The following OSBPL11 variants were observed in gnomAD, a reference collection of about 807,000 sequenced individuals.
OSBPL11 encodes oxysterol binding protein like 11, also known as oxysterol-binding protein-related protein 11.
A neutral mutation model predicts 84.4 loss-of-function variants in OSBPL11; 33 were observed. That is an observed-to-expected ratio of 0.39 (90% CI 0.30 to 0.52). The LOEUF (loss-of-function observed/expected upper bound fraction) is 0.52. OSBPL11 is among the 20% of genes least tolerant of loss of function. OSBPL11 has a pLI of 0.72. For missense variants in OSBPL11, 736 were observed against 901.1 expected, an observed-to-expected ratio of 0.82 and a Z score of 2.35; for synonymous variants, 276 against 310.2, an observed-to-expected ratio of 0.89 and a Z score of 1.16.
chr3:125,568,972 G>C (rs1363640007), intron 5 of OSBPL11, among the ~76,000 whole-genome samples: 1 of 151,476 alleles, frequency 6.6e-6, no homozygotes, highest in African/African-American at 2.4e-5. Flanking sequence ...TTTTGAGATA[G>C]GGTCTCACTC....
rs774636216 is a variant in OSBPL11, at chr3:125,579,901, C to T, written c.373G>A (p.Val125Ile). 30 of 1,614,102 alleles carry T rather than the reference C, an allele frequency of 1.9e-5. No individual in the cohort carries two copies. Among genetic ancestry groups the T allele is most frequent in the African/African-American group, 1.3e-5 (1 of 74,948 alleles). Residue 125 changes from valine to isoleucine, a missense_variant, in exon 3 of 13, where the codon GTA (valine) becomes ATA (isoleucine). Transcript: ENST00000296220. The part of the protein sequence containing the change: ...PSDEDSHTFT[V>I]NAASGEQYKL... ...TATTGTTCCCCACTGGCAGCGTTTA[C>T]AGTGAAGGTGTGAGAATCCTCATCA...
At chr3:125,571,786 G>A (rs560543407) in intron 5 of OSBPL11, among the ~76,000 whole-genome samples, 71 of 152,368 alleles carry the variant, frequency 4.7e-4, no homozygotes, top group Non-Finnish European at 8.4e-4. Flanking sequence ...TGGATGCCCA[G>A]GCAGAGGTCT....
chr3:125,571,579 A>C (rs1486845691), intron 5 of OSBPL11, among the ~76,000 whole-genome samples: 1 of 151,844 alleles, frequency 6.6e-6, no homozygotes, highest in South Asian at 2.1e-4. Context: ...TGCAGCTTAG[A>C]GACTTGGTGC....
At chr3:125,569,445 A>T (rs550773112) in intron 5 of OSBPL11, among the ~76,000 whole-genome samples, 1 of 152,368 alleles carries the variant, frequency 6.6e-6, no homozygotes, top group East Asian at 1.9e-4. Context: ...ATCTATTAAT[A>T]TATACACATT....
chr3:125,587,861 C>T (rs1261592130), intron 1 of OSBPL11, among the ~76,000 whole-genome samples: 11 of 152,072 alleles, frequency 7.2e-5, no homozygotes, highest in African/African-American at 2.7e-4. Context: ...ATTGCTTGAG[C>T]CCAGGAAGTG....
Position 125,580,027 on chromosome 3 carries a change from T to G in OSBPL11, c.247A>C (p.Asn83His). Residue 83 changes from asparagine to histidine, a missense_variant, in exon 3 of 13, where the codon AAC (asparagine) becomes CAC (histidine). This residue lies in a region of OSBPL11 where 114 missense variants were observed against 104.9 expected (regional missense o/e 1.09). Coordinates refer to ENST00000296220, the MANE Select transcript of OSBPL11 (RefSeq NM_022776.5). Reference sequence around the variant, plus strand: ...TACTCCAACAGCCCAGCTTCATTGTTTAAAACAAAAAACCTGTAATGATTT... The same window carrying G: ...TACTCCAACAGCCCAGCTTCATTGTGTAAAACAAAAAACCTGTAATGATTT... ...TGWQYRFFVL[N>H]NEAGLLEYFV... 3 of 1,605,288 alleles carry G rather than the reference T, an allele frequency of 1.9e-6. No individual in the cohort carries two copies. The highest frequency in any genetic ancestry group is 2.5e-6 in the Non-Finnish European group (3 of 1,177,680).
intron 8 of OSBPL11, among the ~76,000 whole-genome samples, chr3:125,557,383 A>C (rs1559840366): frequency 6.6e-6 from 1 of 150,826 alleles, no homozygotes. Flanking sequence ...ATTTTTATTT[A>C]TTTGTTTATT....
At chr3:125,582,833 T>C (rs1366352313) in intron 2 of OSBPL11, 77 bp downstream of exon 2, 3 of 1,049,254 alleles carry the variant, frequency 2.9e-6, no homozygotes, top group African/African-American at 1.7e-5. Context: ...TCTAAAGTAA[T>C]ATCAAAATAT....
intron 4 of OSBPL11, among the ~76,000 whole-genome samples, chr3:125,578,272 T>C (rs1265647877): frequency 6.6e-6 from 1 of 152,098 alleles, no homozygotes; most frequent in African/African-American, 2.4e-5. Flanking sequence ...AGACACCAGA[T>C]ACAACAAACC....
intron 9 of OSBPL11, 50 bp from the exon 10 acceptor site, chr3:125,547,642 A>C (rs1935839658): frequency 5.1e-6 from 7 of 1,364,480 alleles, no homozygotes; most frequent in Non-Finnish European, 7.0e-6. Context: ...AGAAACAGCT[A>C]ATGAAACAAT....
At chr3:125,593,698 A>C (rs1156764802) in intron 1 of OSBPL11, among the ~76,000 whole-genome samples, 3 of 152,212 alleles carry the variant, frequency 2.0e-5, no homozygotes, top group Non-Finnish European at 4.4e-5. Flanking sequence ...ATACATATGA[A>C]TATTATTCAT....
At chr3:125,581,885 A>G (rs1936433278) in intron 2 of OSBPL11, among the ~76,000 whole-genome samples, 1 of 151,758 alleles carries the variant, frequency 6.6e-6, no homozygotes, top group Admixed American at 6.6e-5. Context: ...CTGGGGCAGG[A>G]GGATGATTTC....
intron 5 of OSBPL11, among the ~76,000 whole-genome samples, chr3:125,573,151 G>C (rs1936268346): frequency 6.6e-6 from 1 of 151,660 alleles, no homozygotes; most frequent in South Asian, 2.1e-4. Flanking sequence ...AAATGGAAAA[G>C]TGATTTGTGA....
chr3:125,588,937 G>T (rs1306297537), intron 1 of OSBPL11, among the ~76,000 whole-genome samples: 1 of 152,092 alleles, frequency 6.6e-6, no homozygotes, highest in Non-Finnish European at 1.5e-5. Flanking sequence ...TTTAATCTAT[G>T]ACAAAAAGTA....
chr3:125,533,951 T>C (rs1325541818), intron 11 of OSBPL11, among the ~76,000 whole-genome samples: 3 of 152,226 alleles, frequency 2.0e-5, no homozygotes, highest in Non-Finnish European at 4.4e-5. Context: ...CTCAGCCTCC[T>C]GAGTAGCTGG....
In OSBPL11 at chr3:125,563,692, C is replaced by T. The variant is rs1936110325; in HGVS notation, c.1014+6G>A. ...ACATCAAAATCATATTTTTATATTA[C>T]CTTACCCTCGCTAATAGTCCAGATT... On this transcript the variant is annotated splice_donor_region_variant and intron_variant, in intron 7 of 12. Transcript: ENST00000296220. 3 of 1,613,538 alleles carry T rather than the reference C, an allele frequency of 1.9e-6. No homozygotes were observed. The highest frequency in any genetic ancestry group is 8.5e-7 in the Non-Finnish European group (1 of 1,179,918).
intron 4 of OSBPL11, 110 bp from the exon 5 acceptor site, chr3:125,576,475 A>C: frequency 2.5e-6 from 2 of 794,056 alleles, no homozygotes; most frequent in South Asian, 6.0e-5. Context: ...TTAAAATTAA[A>C]TTAACTTCAG....
At chr3:125,535,186 T>TA (rs1266206550) in intron 11 of OSBPL11, among the ~76,000 whole-genome samples, 2 of 151,566 alleles carry the variant, frequency 1.3e-5, no homozygotes, top group Non-Finnish European at 1.5e-5. Context: ...CCTACACAGA[T>TA]AAAAAAATAA....
chr3:125,582,105 C>T lies in OSBPL11; in HGVS notation c.233+805G>A, dbSNP rs1014764576. Among the ~76,000 whole-genome samples, 108 of 152,116 alleles carry T rather than the reference C, an allele frequency of 7.1e-4. 2 individuals carry two copies. Among genetic ancestry groups the T allele is most frequent in the Admixed American group, 5.3e-3 (81 of 15,270 alleles). ...ATCCCTGCACTTTGGGAGGCCAAGA[C>T]GGGTAGATCACCTGAAGTCAGGAAT... On this transcript the variant is annotated intron_variant, in intron 2 of 12. Coordinates refer to ENST00000296220, the MANE Select transcript of OSBPL11 (RefSeq NM_022776.5).
Sources: allele counts gnomAD v4.1 joint callset (sites outside exome capture counted in the v4.1 genomes callset), GRCh38; gene constraint gnomAD v4.1.1; regional missense constraint gnomAD v4.1.1; transcripts MANE v1.5; gene names NCBI Gene and HGNC (gene_info 2026-07-23, HGNC 2026-07-21).